TTBK2: variants seen among roughly 807,000 people sequenced by gnomAD.
TTBK2 encodes the protein tau tubulin kinase 2.
A neutral mutation model predicts 110.8 loss-of-function variants in TTBK2; 28 were observed. The ratio of observed to expected loss-of-function variants is 0.25; its 90% CI spans 0.19 to 0.35. TTBK2 has a LOEUF of 0.35. Among genes scored for constraint, TTBK2 ranks in the 10% least tolerant of loss-of-function variants. The pLI is 1.00. For missense variants in TTBK2, 1,369 were observed against 1,500.3 expected (o/e 0.91, Z 1.45); for synonymous variants, 532 against 527.3 (o/e 1.01, Z -0.12).
In TTBK2 at chr15:42,800,744, GC is replaced by G. The variant is rs200816143; in HGVS notation, c.823-5944del. 3.4e-3 allele frequency among the ~76,000 whole-genome samples: 519 copies of G among 151,306 alleles called. 2 individuals carry two copies. The highest frequency in any genetic ancestry group is 0.012 in the African/African-American group (495 of 41,208). On this transcript the variant is annotated intron_variant, in intron 9 of 14. Coordinates refer to ENST00000267890, the MANE Select transcript of TTBK2 (RefSeq NM_173500.4). ...ACAGTCTTTTTTTTTGGCAGAGCTAGCCGAGGTTTATTTTGGGAAAAAAAAA... is the reference window on the plus strand; with the variant it reads ...ACAGTCTTTTTTTTTGGCAGAGCTAGCGAGGTTTATTTTGGGAAAAAAAAA...
At position 42,741,858 on chromosome 15, in the gene TTBK2, G is replaced by C. The variant is rs2061753420; in HGVS notation, c.*3937C>G. 1 of 151,998 alleles carries C rather than the reference G, an allele frequency of 6.6e-6. No homozygotes were observed. Among genetic ancestry groups the C allele is most frequent in the Non-Finnish European group, 1.5e-5 (1 of 68,000 alleles). The allele number at this position is 151,998 out of a possible 1,614,324, so 9.4% of individuals were successfully genotyped here. A position where few individuals can be genotyped will look rare whatever the true frequency, so the allele number is the denominator to read the frequency against. ...CTCGTATCACCAATTCCTAATGTTA[G>C]GAATGTAGAACTGTCTGCTCTTGGG... On this transcript the variant is annotated 3_prime_UTR_variant, in exon 15 of 15. Coordinates refer to ENST00000267890, the MANE Select transcript of TTBK2 (RefSeq NM_173500.4).
chr15:42,794,389 C>A (rs1459075186), intron 10 of TTBK2, among the ~76,000 whole-genome samples: 3 of 152,074 alleles, frequency 2.0e-5, no homozygotes, highest in Admixed American at 6.6e-5. Context: ...TTGAAGAATA[C>A]CCATTATAAA....
intron 9 of TTBK2, among the ~76,000 whole-genome samples, chr15:42,808,445 T>C (rs1031012801): frequency 3.3e-5 from 5 of 152,238 alleles, no homozygotes; most frequent in Admixed American, 6.5e-5. Flanking sequence ...TGACCTTTGA[T>C]GTAGCTAGGG....
At chr15:42,834,498 C>A (rs889836303) in intron 4 of TTBK2, among the ~76,000 whole-genome samples, 7 of 152,112 alleles carry the variant, frequency 4.6e-5, no homozygotes, top group Non-Finnish European at 2.9e-5. Context: ...CAGAATGAGT[C>A]TGGTACTCAG....
intron 8 of TTBK2, 140 bp from the exon 9 acceptor site, chr15:42,810,879 TACTA>T: frequency 1.1e-6 from 1 of 938,226 alleles, no homozygotes; most frequent in Non-Finnish European, 1.6e-6. Flanking sequence ...ACTGAGCTCT[TACTA>T]ACAGCTTAAT....
At chr15:42,830,259 C>T (rs998828214) in intron 4 of TTBK2, among the ~76,000 whole-genome samples, 181 bp from the exon 5 acceptor site, 6 of 151,900 alleles carry the variant, frequency 3.9e-5, no homozygotes, top group African/African-American at 1.5e-4. Flanking sequence ...GCGATGTCGG[C>T]TCACTGCAAC....
At position 42,762,436 on chromosome 15, in the gene TTBK2, G is replaced by A. The variant is rs138421019; in HGVS notation, c.1999-9189C>T. 2.8e-3 allele frequency among the ~76,000 whole-genome samples: 420 copies of A among 152,244 alleles called. 1 individual carries two copies. In the Middle Eastern group the frequency reaches 0.037, roughly 14 times the overall value. ...GTGGATAAAGAAAATGTGGTATAGC[G>A]GCCGGGCACGGTGGCTCATGCCTGT... On this transcript the variant is annotated intron_variant, in intron 13 of 14. Coordinates refer to ENST00000267890, the MANE Select transcript of TTBK2 (RefSeq NM_173500.4).
chr15:42,904,483 G>T (rs1196798332), intron 1 of TTBK2, among the ~76,000 whole-genome samples: 1 of 152,048 alleles, frequency 6.6e-6, no homozygotes, highest in East Asian at 1.9e-4. Context: ...TTCCTCCTTG[G>T]TAATATCCTT....
intron 3 of TTBK2, among the ~76,000 whole-genome samples, chr15:42,869,896 G>C (rs1001009708): frequency 2.0e-5 from 3 of 152,112 alleles, no homozygotes; most frequent in Non-Finnish European, 4.4e-5. Flanking sequence ...AAGAGTCTTG[G>C]CCAGGTGTAG....
chr15:42,820,306 T>C (rs1300694594), intron 6 of TTBK2, among the ~76,000 whole-genome samples: 3 of 152,150 alleles, frequency 2.0e-5, no homozygotes, highest in African/African-American at 4.8e-5. Flanking sequence ...ATAATGAATA[T>C]CATTAGTGAA....
At chr15:42,751,720 C>A (rs1039951368) in intron 14 of TTBK2, among the ~76,000 whole-genome samples, 4 of 152,122 alleles carry the variant, frequency 2.6e-5, no homozygotes, top group Non-Finnish European at 5.9e-5. Flanking sequence ...CTCCAGCCTG[C>A]GTGACAGAGC....
chr15:42,815,864 ATATATATTT>A (rs1567040132), intron 7 of TTBK2, among the ~76,000 whole-genome samples: 5 of 125,692 alleles, frequency 4.0e-5, no homozygotes, highest in Admixed American at 8.6e-5. Flanking sequence ...CTCTCTATAT[ATATATATTT>A]AAATATATAT....
intron 1 of TTBK2, among the ~76,000 whole-genome samples, chr15:42,913,676 T>C (rs574610085): frequency 1.4e-3 from 206 of 151,842 alleles, no homozygotes; most frequent in African/African-American, 4.9e-3. Flanking sequence ...CAGGTCAGTA[T>C]GGTTACAATT....
At chr15:42,903,011 G>A (rs8031283) in intron 1 of TTBK2, among the ~76,000 whole-genome samples, 5,160 of 149,984 alleles carry the variant, frequency 0.034, 287 homozygotes, top group African/African-American at 0.12. Context: ...AAGAAAGAAA[G>A]AAAGAAAGGG....
intron 6 of TTBK2, among the ~76,000 whole-genome samples, chr15:42,819,208 G>A (rs1892182280): frequency 4.0e-5 from 6 of 151,472 alleles, no homozygotes; most frequent in Admixed American, 3.9e-4. Flanking sequence ...AGTGGCTCAT[G>A]CCTGTAACCC....
intron 1 of TTBK2, among the ~76,000 whole-genome samples, chr15:42,899,398 C>A (rs1360250232): frequency 1.3e-5 from 2 of 152,038 alleles, no homozygotes; most frequent in Non-Finnish European, 2.9e-5. Flanking sequence ...GAGTTCAAGA[C>A]CAGCCTGGCC....
intron 1 of TTBK2, among the ~76,000 whole-genome samples, chr15:42,897,108 A>T (rs1369426402): frequency 1.3e-5 from 2 of 151,972 alleles, no homozygotes; most frequent in Non-Finnish European, 2.9e-5. Flanking sequence ...TGAACTCTTG[A>T]CCTCGTGATT....
In TTBK2 at chr15:42,888,137, G is replaced by A. The variant is rs1044555128; in HGVS notation, c.-67-9453C>T. ...ATCTCTGCGTGCAGTGACCACCACT[G>A]CTTTAATACTTTTAGAGGCCCTCAA... On this transcript the variant is annotated intron_variant, in intron 1 of 14. Transcript: ENST00000267890. Among the ~76,000 whole-genome samples, 7 of 152,034 alleles carry A rather than the reference G, an allele frequency of 4.6e-5. 1 individual carries two copies. The highest frequency in any genetic ancestry group is 4.6e-4 in the Admixed American group (7 of 15,266).
Position 42,752,559 on chromosome 15 carries a change from A to C in TTBK2, c.2687T>G (p.Leu896Arg), listed in dbSNP as rs745618805. The change falls in exon 14 of 15, where the codon CTC becomes CGC. Residue 896 changes from leucine (L) to arginine (R), a missense_variant. Transcript: ENST00000267890. ...GCCCTCTTGGTGCAAAAAAGTAGAGAGGTCTCCTTGATGACCTGGCAAGTC... is the reference window on the plus strand; with the variant it reads ...GCCCTCTTGGTGCAAAAAAGTAGAGCGGTCTCCTTGATGACCTGGCAAGTC... The part of the protein sequence containing the change: ...SEDLPGHQGD[L>R]STFLHQEGKR... The C allele has an allele frequency of 5.6e-6, 9 of 1,614,026 alleles. No homozygotes were observed. The highest frequency in any genetic ancestry group is 7.6e-6 in the Non-Finnish European group (9 of 1,180,050).
Sources: allele counts gnomAD v4.1 joint callset (sites outside exome capture counted in the v4.1 genomes callset), GRCh38; gene constraint gnomAD v4.1.1; transcripts MANE v1.5; gene names NCBI Gene and HGNC (gene_info 2026-07-23, HGNC 2026-07-21).